The following DCHS2 variants were observed in gnomAD, a reference collection of about 807,000 sequenced individuals.
DCHS2 encodes protocadherin-23.
Under a neutral mutation model 182.4 loss-of-function variants are expected in DCHS2, and 142 were observed. The ratio of observed to expected loss-of-function variants is 0.78; its 90% CI spans 0.68 to 0.89. DCHS2 has a LOEUF of 0.89. Ranked by LOEUF, DCHS2 falls within the 40% of genes least tolerant of loss-of-function variation. DCHS2 has a pLI of 0.00. For missense variants in DCHS2, 4,319 were observed against 4,198.6 expected (o/e 1.03, Z -0.79); for synonymous variants, 1,740 against 1,663.3 (o/e 1.05, Z -1.12).
intron 1 of DCHS2, among the ~76,000 whole-genome samples, chr4:154,402,988 A>T (rs866293932): frequency 1.3e-5 from 2 of 152,214 alleles, no homozygotes; most frequent in Non-Finnish European, 2.9e-5. Context: ...TTATGCTAAC[A>T]TATAGAAAAA....
At chr4:154,251,099 T>C (rs555949185) in intron 16 of DCHS2, among the ~76,000 whole-genome samples, 7 of 152,220 alleles carry the variant, frequency 4.6e-5, no homozygotes, top group Non-Finnish European at 1.0e-4. Flanking sequence ...ATTGTGTATT[T>C]TGAAAAAGAT....
chr4:154,310,050 G>C (rs1286063257), intron 10 of DCHS2, among the ~76,000 whole-genome samples: 1 of 152,124 alleles, frequency 6.6e-6, no homozygotes, highest in African/African-American at 2.4e-5. Flanking sequence ...TTGAGTGGCA[G>C]GTATAATAAA....
chr4:154,260,808 A>G (rs1732952506), intron 14 of DCHS2, among the ~76,000 whole-genome samples: 1 of 152,036 alleles, frequency 6.6e-6, no homozygotes. Context: ...TCATATCTCC[A>G]GTGTCTGGCT....
intron 2 of DCHS2, among the ~76,000 whole-genome samples, chr4:154,369,935 C>T (rs4696208): frequency 0.5 from 76,682 of 151,958 alleles, 19,832 homozygotes; most frequent in African/African-American, 0.62. Context: ...CATTTTCTAC[C>T]GTTACTTCTA....
intron 14 of DCHS2, among the ~76,000 whole-genome samples, chr4:154,262,654 G>C (rs956700243): frequency 3.3e-5 from 5 of 152,162 alleles, no homozygotes; most frequent in Non-Finnish European, 7.3e-5. Context: ...AATGCTACAT[G>C]CTTGATAACA....
At chr4:154,410,968 T>C (rs1560741854) in intron 1 of DCHS2, among the ~76,000 whole-genome samples, 1 of 152,166 alleles carries the variant, frequency 6.6e-6, no homozygotes, top group East Asian at 1.9e-4. Flanking sequence ...GAATGAGATG[T>C]TATACGCAAA....
At chr4:154,296,305 C>G (rs1734920771) in intron 13 of DCHS2, among the ~76,000 whole-genome samples, 1 of 152,138 alleles carries the variant, frequency 6.6e-6, no homozygotes, top group African/African-American at 2.4e-5. Context: ...TACGTTTTCT[C>G]TAATCTGGCT....
chr4:154,449,248 T>G (rs1579093232), intron 1 of DCHS2, among the ~76,000 whole-genome samples: 1 of 152,112 alleles, frequency 6.6e-6, no homozygotes, highest in East Asian at 1.9e-4. Flanking sequence ...TTGATACAAC[T>G]GTTATTTAAA....
At chr4:154,261,345 C>T (rs942775967) in intron 14 of DCHS2, among the ~76,000 whole-genome samples, 2 of 152,288 alleles carry the variant, frequency 1.3e-5, no homozygotes, top group East Asian at 3.9e-4. Flanking sequence ...GTAGATTCCA[C>T]GATGTGTTAC....
Position 154,255,597 on chromosome 4 carries a change from T to C in DCHS2, c.6863A>G (p.Glu2288Gly), listed in dbSNP as rs769744798. ...EYSILSGNQE[E>G]AFQIDALSGV... Reference sequence around the variant, plus strand: ...ACTCAGTGCATCAATCTGGAATGCTTCTTCTTGGTTGCCAGACAGAATAGA... The same window carrying C: ...ACTCAGTGCATCAATCTGGAATGCTCCTTCTTGGTTGCCAGACAGAATAGA... The change falls in exon 16 of 20, where the codon GAA becomes GGA. Residue 2288 changes from glutamate to glycine, a missense_variant. Transcript: ENST00000357232. 6.2e-7 allele frequency: 1 copy of C among 1,614,082 alleles called. No individual in the cohort carries two copies. Among genetic ancestry groups the C allele is most frequent in the Admixed American group, 1.7e-5 (1 of 60,030 alleles).
chr4:154,440,297 T>A (rs977137841), intron 1 of DCHS2, among the ~76,000 whole-genome samples: 1 of 152,186 alleles, frequency 6.6e-6, no homozygotes, highest in African/African-American at 2.4e-5. Context: ...CGATTGATGG[T>A]TAGCAAACAA....
At chr4:154,259,848 A>T (rs915598622) in intron 14 of DCHS2, 92 bp from the exon 15 acceptor site, 3 of 1,331,618 alleles carry the variant, frequency 2.3e-6, no homozygotes, top group Non-Finnish European at 9.9e-7. Flanking sequence ...TTTGAGACAG[A>T]GTCTCGCACT....
rs759301841 is a variant in DCHS2 at position 154,269,923 on chromosome 4, A to T, written c.6554T>A (p.Val2185Asp). Reference protein sequence around the residue: ...YSIFSGNEDGVLSLCSKSGQL... With the variant: ...YSIFSGNEDGDLSLCSKSGQL... ...ACCTGACTTAGAGCACAGGGAAAGA[A>T]CTCCATCTTCATTTCCACTAAAAAT... Residue 2185 changes from valine (V) to aspartate (D), a missense_variant, in exon 14 of 20, where the codon GTT becomes GAT. By Grantham distance (152) the Val-to-Asp change is radical. Coordinates refer to ENST00000357232, the MANE Select transcript of DCHS2 (RefSeq NM_001358235.2). 2 of 1,612,230 alleles carry T rather than the reference A, an allele frequency of 1.2e-6. No individual in the cohort carries two copies. The highest frequency in any genetic ancestry group is 1.7e-5 in the Admixed American group (1 of 59,790).
intron 1 of DCHS2, among the ~76,000 whole-genome samples, chr4:154,422,921 G>T (rs988289876): frequency 6.6e-6 from 1 of 152,122 alleles, no homozygotes; most frequent in Admixed American, 6.5e-5. Context: ...CTGTCCAGGC[G>T]TGAAGTCTCC....
chr4:154,471,685 G>C (rs569423804), intron 1 of DCHS2, among the ~76,000 whole-genome samples: 59 of 152,152 alleles, frequency 3.9e-4, no homozygotes, highest in African/African-American at 1.3e-3. Context: ...GTCGCATTAT[G>C]GTCACGTGCA....
chr4:154,284,954 C>A (rs934323460), intron 13 of DCHS2, among the ~76,000 whole-genome samples: 1 of 152,098 alleles, frequency 6.6e-6, no homozygotes, highest in Non-Finnish European at 1.5e-5. Flanking sequence ...CAGCTTATAA[C>A]TCCAGGACAG....
chr4:154,263,686 G>GAAAAAAAAAAAAAAAA (rs200534854), intron 14 of DCHS2, among the ~76,000 whole-genome samples: 1 of 103,946 alleles, frequency 9.6e-6, no homozygotes, highest in Non-Finnish European at 2.1e-5. Flanking sequence ...GGCCATTATT[G>GAAAAAAAAAAAAAAAA]AAAAAAAAAA....
At chr4:154,347,223 C>T (rs1016626779) in intron 3 of DCHS2, among the ~76,000 whole-genome samples, 1 of 149,480 alleles carries the variant, frequency 6.7e-6, no homozygotes, top group Non-Finnish European at 1.5e-5. Context: ...TTGATTAAAT[C>T]TTAGCAGAAC....
In DCHS2 at chr4:154,320,713, G is replaced by A. The variant is rs981682348; in HGVS notation, c.4686C>T (p.Ile1562=). 6.2e-7 allele frequency: 1 copy of A among 1,613,946 alleles called. No individual in the cohort carries two copies. The highest frequency in any genetic ancestry group is 1.3e-5 in the African/African-American group (1 of 74,912). The part of the protein sequence containing the change: ...SHNPGTNPFL[I]HPSFGTLVTV... Reference sequence around the variant, plus strand: ...TGACTAGTGTGCCAAATGAGGGGTGGATGAGAAATGGATTCGTGCCAGGGT... The same window carrying A: ...TGACTAGTGTGCCAAATGAGGGGTGAATGAGAAATGGATTCGTGCCAGGGT... The change falls in exon 9 of 20, where the codon ATC becomes ATT. Residue 1562 remains isoleucine (I), a synonymous_variant. Coordinates refer to ENST00000357232, the MANE Select transcript of DCHS2 (RefSeq NM_001358235.2).
Sources: gnomAD v4.1 joint callset for allele counts (sites outside exome capture counted in the v4.1 genomes callset) on GRCh38, gnomAD v4.1.1 for gene constraint, MANE v1.5 for transcripts, NCBI Gene and HGNC (gene_info 2026-07-23, HGNC 2026-07-21) for gene names.